Variants in VPS13D observed in about 807,000 individuals in gnomAD.
The protein encoded by VPS13D is intermembrane lipid transfer protein VPS13D.
Under a neutral mutation model 461.9 loss-of-function variants are expected in VPS13D, and 187 were observed. The observed-to-expected ratio is 0.40, with a 90% confidence interval of 0.36 to 0.46. The LOEUF (loss-of-function observed/expected upper bound fraction) is 0.46. Ranked by LOEUF, VPS13D falls within the 20% of genes least tolerant of loss-of-function variation. The pLI is 0.60. For missense variants in VPS13D, 4,711 were observed against 5,364.9 expected (o/e 0.88, Z 3.81); for synonymous variants, 1,951 against 1,986.3 (o/e 0.98, Z 0.47).
intron 67 of VPS13D, among the ~76,000 whole-genome samples, chr1:12,463,273 A>G (rs962804236): frequency 7.2e-5 from 11 of 152,168 alleles, no homozygotes; most frequent in Admixed American, 3.3e-4. Context: ...GGCAGAAGTT[A>G]CCAGAGGCAA....
chr1:12,278,527 G>T (rs745786590), intron 19 of VPS13D, among the ~76,000 whole-genome samples: 1 of 152,114 alleles, frequency 6.6e-6, no homozygotes. Flanking sequence ...TGCCTGCCTC[G>T]GCCTCCCAAA....
chr1:12,338,957 A>G (rs1643508532), intron 40 of VPS13D, among the ~76,000 whole-genome samples: 1 of 152,220 alleles, frequency 6.6e-6, no homozygotes, highest in Non-Finnish European at 1.5e-5. Context: ...TAGGGAGTGC[A>G]GTTTAATCTG....
chr1:12,418,939 C>G (rs1644828897), intron 65 of VPS13D, among the ~76,000 whole-genome samples: 1 of 152,030 alleles, frequency 6.6e-6, no homozygotes, highest in Admixed American at 6.5e-5. Flanking sequence ...GAGAGACCTC[C>G]TAGGAGTTTC....
At chr1:12,415,695 A>G (rs1644784853) in intron 64 of VPS13D, among the ~76,000 whole-genome samples, 1 of 152,220 alleles carries the variant, frequency 6.6e-6, no homozygotes, top group African/African-American at 2.4e-5. Flanking sequence ...ATAATCTTCA[A>G]TGAATAGATA....
intron 67 of VPS13D, among the ~76,000 whole-genome samples, chr1:12,490,749 C>T (rs751330681): frequency 1.4e-4 from 20 of 148,068 alleles, no homozygotes; most frequent in Non-Finnish European, 1.6e-4. Context: ...ATGAAGCCCA[C>T]GGCATGGTGG....
At chr1:12,372,231 A>AT (rs1491188020) in intron 54 of VPS13D, among the ~76,000 whole-genome samples, 3 of 150,988 alleles carry the variant, frequency 2.0e-5, no homozygotes, top group African/African-American at 7.3e-5. Flanking sequence ...TTGAAAAAAA[A>AT]TTTTTTTTTG....
rs780148039 is a variant in VPS13D, at chr1:12,368,613, C to G, written c.10572+22C>G. ...TAAGGTATCAAGTGGAGCTGAGAGC[C>G]AGTTTGACTGTTTCATGTGTGGGAG... On this transcript the variant is annotated intron_variant, in intron 53 of 69. Coordinates refer to ENST00000620676, the MANE Select transcript of VPS13D (RefSeq NM_015378.4). 6 of 1,605,774 alleles carry G rather than the reference C, an allele frequency of 3.7e-6. No homozygotes were observed. The East Asian group carries it at 1.3e-4, about 36-fold the overall frequency.
At chr1:12,272,037 A>G (rs1641457645) in intron 17 of VPS13D, among the ~76,000 whole-genome samples, 2 of 152,000 alleles carry the variant, frequency 1.3e-5, no homozygotes, top group African/African-American at 4.8e-5. Context: ...ACAAAAAATA[A>G]AAAAATTAGC....
At chr1:12,247,843 A>G (rs1029490310) in intron 5 of VPS13D, among the ~76,000 whole-genome samples, 1 of 150,120 alleles carries the variant, frequency 6.7e-6, no homozygotes, top group Non-Finnish European at 1.5e-5. Flanking sequence ...AGCTGGGATT[A>G]CAGGCCTGCG....
At chr1:12,351,853 A>G (rs1487444170) in intron 46 of VPS13D, among the ~76,000 whole-genome samples, 1 of 151,900 alleles carries the variant, frequency 6.6e-6, no homozygotes, top group African/African-American at 2.4e-5. Context: ...TGGCCTCCCA[A>G]AGTGCTGGGA....
chr1:12,296,013 C>A (rs1432291047), intron 24 of VPS13D, among the ~76,000 whole-genome samples: 1 of 152,160 alleles, frequency 6.6e-6, no homozygotes, highest in East Asian at 1.9e-4. Context: ...AAGATTCATT[C>A]ATATTGTTAC....
At chr1:12,354,294 T>C (rs1284823393) in intron 47 of VPS13D, 73 bp downstream of exon 47, 1 of 1,552,254 alleles carries the variant, frequency 6.4e-7, no homozygotes, top group Non-Finnish European at 8.7e-7. Context: ...GATTATTTAT[T>C]TGGTAAGCAT....
Position 12,261,157 on chromosome 1 carries a change from G to T in VPS13D, c.1414+8G>T. On this transcript the variant is annotated splice_region_variant and intron_variant, in intron 12 of 69. Coordinates refer to ENST00000620676, the MANE Select transcript of VPS13D (RefSeq NM_015378.4). Reference sequence around the variant, plus strand: ...TTCCTGAAGAGATCCTGGGTACGGTGGGAGCTGGCCTTCACTTGATTCAAA... The same window carrying T: ...TTCCTGAAGAGATCCTGGGTACGGTTGGAGCTGGCCTTCACTTGATTCAAA... 6.2e-7 allele frequency: 1 copy of T among 1,614,074 alleles called. No individual in the cohort carries two copies. Among genetic ancestry groups the T allele is most frequent in the South Asian group, 1.1e-5 (1 of 91,062 alleles).
chr1:12,324,963 A>G (rs1240447318), intron 35 of VPS13D, among the ~76,000 whole-genome samples: 1 of 152,250 alleles, frequency 6.6e-6, no homozygotes, highest in Admixed American at 6.5e-5. Flanking sequence ...ACTTAAAGCC[A>G]GGTCTACCTG....
intron 65 of VPS13D, among the ~76,000 whole-genome samples, chr1:12,419,612 A>G (rs1171256583): frequency 6.6e-6 from 1 of 152,152 alleles, no homozygotes; most frequent in Non-Finnish European, 1.5e-5. Context: ...ACTTTTAAAC[A>G]GCCAGATCTC....
chr1:12,412,448 G>C (rs1162604727), intron 63 of VPS13D, among the ~76,000 whole-genome samples: 1 of 152,226 alleles, frequency 6.6e-6, no homozygotes, highest in African/African-American at 2.4e-5. Context: ...TGTGGCATTA[G>C]TAGAAAGCAG....
chr1:12,307,323 C>T (rs1220122127), intron 26 of VPS13D, among the ~76,000 whole-genome samples: 1 of 151,994 alleles, frequency 6.6e-6, no homozygotes, highest in East Asian at 1.9e-4. Context: ...CGGGCCATGC[C>T]ACCTGTAAGG....
At chr1:12,235,908 A>G (rs1640133036) in intron 2 of VPS13D, among the ~76,000 whole-genome samples, 2 of 152,244 alleles carry the variant, frequency 1.3e-5, no homozygotes. Flanking sequence ...GCTGCAGACC[A>G]CGACCCTGCT....
intron 48 of VPS13D, 145 bp from the exon 49 acceptor site, chr1:12,356,253 C>A: frequency 7.2e-7 from 1 of 1,389,778 alleles, no homozygotes; most frequent in Non-Finnish European, 9.6e-7. Context: ...ATGCTCAAAA[C>A]TGTCTTTTTA....
Sources: allele counts gnomAD v4.1 joint callset (sites outside exome capture counted in the v4.1 genomes callset), GRCh38; gene constraint gnomAD v4.1.1; transcripts MANE v1.5; gene names NCBI Gene and HGNC (gene_info 2026-07-23, HGNC 2026-07-21).